The following MYO19 variants were observed in gnomAD, a reference collection of about 807,000 sequenced individuals.
MYO19 encodes the protein myosin XIX, also known as unconventional myosin-XIX.
In MYO19, 132 loss-of-function variants were observed where a neutral mutation model predicts 129.2. That is an observed-to-expected ratio of 1.02 (90% CI 0.89 to 1.18). The LOEUF (loss-of-function observed/expected upper bound fraction) is 1.18. Ranked by LOEUF, MYO19 falls within the 50% of genes most tolerant of loss-of-function variation. The probability of loss-of-function intolerance (pLI) is 0.00; values close to 1 mark genes in which losing one functional copy is unlikely to be tolerated. For synonymous variants in MYO19, 531 were observed against 477.2 expected (o/e 1.11, Z -1.47); for missense variants, 1,210 against 1,216.7 (o/e 0.99, Z 0.08).
intron 5 of MYO19, among the ~76,000 whole-genome samples, chr17:36,527,167 AAAATAAAT>A (rs1013454088): frequency 7.4e-5 from 11 of 148,058 alleles, no homozygotes; most frequent in African/African-American, 2.4e-4. Flanking sequence ...ACTCCATCTC[AAAATAAAT>A]AAATAAATAA....
chr17:36,501,438 A>G, intron 21 of MYO19: 1 of 542,850 alleles, frequency 1.8e-6, no homozygotes, highest in Non-Finnish European at 3.2e-6. Flanking sequence ...TGTTCCGTGG[A>G]GCCTTGGAAT....
At chr17:36,528,687 CTT>C (rs1201871862) in intron 3 of MYO19, among the ~76,000 whole-genome samples, 1 of 152,098 alleles carries the variant, frequency 6.6e-6, no homozygotes, top group Non-Finnish European at 1.5e-5. Flanking sequence ...AAGTTACCCT[CTT>C]TGAGTCACAG....
chr17:36,522,044 A>G (rs2411193), intron 6 of MYO19, among the ~76,000 whole-genome samples: 4,198 of 150,706 alleles, frequency 0.028, 203 homozygotes, highest in African/African-American at 0.095. Flanking sequence ...AAAAAAAAAA[A>G]AAAGAAAAGA....
chr17:36,528,099 T>C lies in MYO19; in HGVS notation c.116A>G (p.Asp39Gly), dbSNP rs1275259011. 1.9e-6 allele frequency: 3 copies of C among 1,613,790 alleles called. No individual in the cohort carries two copies. Among genetic ancestry groups the C allele is most frequent in the African/African-American group, 1.3e-5 (1 of 74,908 alleles). Residue 39 changes from aspartate (D) to glycine (G), a missense_variant, in exon 4 of 26, where the codon GAC (aspartate) becomes GGC (glycine). By Grantham distance (94) the Asp-to-Gly change is moderately conservative. Coordinates refer to ENST00000614623, the MANE Select transcript of MYO19 (RefSeq NM_001163735.2). ...TGTCACAGGATTCACCCTGGTGAGG[T>C]CATCCAGTTTGTACAGCAGGACCTC... Reference protein sequence around the residue: ...GGEVLLYKLDDLTRVNPVTLE... With the variant: ...GGEVLLYKLDGLTRVNPVTLE...
Position 36,506,546 on chromosome 17 carries a change from C to T in MYO19, c.1707G>A (p.Gly569=), listed in dbSNP as rs1246875309. ...LQQSQDPLLM[G]LFPTNPKEKT... ...TCTCTTTGGGGTTAGTAGGAAACAG[C>T]CCCATGAGCAGGGGGTCCTGGGATT... is the stretch of plus-strand genomic sequence containing the variant. Residue 569 remains glycine, a synonymous_variant, in exon 18 of 26, where the codon GGG becomes GGA. Transcript: ENST00000614623. 1.3e-6 allele frequency: 2 copies of T among 1,588,718 alleles called. No homozygotes were observed. The highest frequency in any genetic ancestry group is 8.5e-7 in the Non-Finnish European group (1 of 1,170,504).
intron 5 of MYO19, 91 bp downstream of exon 5, chr17:36,527,460 G>A: frequency 9.2e-6 from 13 of 1,406,452 alleles, no homozygotes; most frequent in Non-Finnish European, 1.2e-5. Context: ...CACATTGCTG[G>A]TGAATAGATG....
At chr17:36,505,039 C>A in intron 19 of MYO19, 1 of 686,824 alleles carries the variant, frequency 1.5e-6, no homozygotes, top group Non-Finnish European at 2.7e-6. Context: ...CAGTTTCAGT[C>A]TCTCATCAGG....
In MYO19 at chr17:36,525,238, C is replaced by G. The variant is rs762928603; in HGVS notation, c.404G>C (p.Gly135Ala). ...NQSIVVSGES[G>A]AGKTWTSRCL... ...AAGACGTCTTCCTACCTTTCCAGCA[C>G]CACTCTCTCCACTGACAACAATAGA... Residue 135 changes from glycine (G) to alanine (A), a missense_variant, in exon 6 of 26, where the codon GGT (glycine) becomes GCT (alanine). Physicochemically the swap from Gly to Ala is moderately conservative, Grantham distance 60. Coordinates refer to ENST00000614623, the MANE Select transcript of MYO19 (RefSeq NM_001163735.2). 3 of 1,613,190 alleles carry G rather than the reference C, an allele frequency of 1.9e-6. No individual in the cohort carries two copies. Among genetic ancestry groups the G allele is most frequent in the South Asian group, 1.1e-5 (1 of 91,022 alleles).
chr17:36,537,116 G>A (rs1053869803), upstream of MYO19: 2 of 1,591,152 alleles, frequency 1.3e-6, no homozygotes, highest in Non-Finnish European at 1.7e-6. Flanking sequence ...CTGAAAAGCA[G>A]ATGAAGGAAG....
intron 19 of MYO19, chr17:36,504,386 G>C (rs1433745813): frequency 8.9e-6 from 2 of 224,164 alleles, no homozygotes; most frequent in Non-Finnish European, 1.7e-5. Flanking sequence ...GGCATTAGAG[G>C]GTGGTTCACA....
At chr17:36,521,715 G>A (rs2073139335) in intron 6 of MYO19, among the ~76,000 whole-genome samples, 1 of 152,088 alleles carries the variant, frequency 6.6e-6, no homozygotes, top group Admixed American at 6.5e-5. Flanking sequence ...ATTATGGACT[G>A]GCTCTCTCAA....
Position 36,513,735 on chromosome 17 carries a change from A to G in MYO19, c.721-10T>C, listed in dbSNP as rs1030805709. The G allele has an allele frequency of 6.2e-7, 1 of 1,612,128 alleles. No individual in the cohort carries two copies. Among genetic ancestry groups the G allele is most frequent in the African/African-American group, 1.3e-5 (1 of 75,004 alleles). On this transcript the variant is annotated splice_polypyrimidine_tract_variant and intron_variant, in intron 9 of 25. Transcript: ENST00000614623. ...TGGCTCCTTTGCAAATCTGTGGAGA[A>G]GGGTAGGTGGGAGGCTGGGTAGGGG...
upstream of MYO19, among the ~76,000 whole-genome samples, chr17:36,535,879 C>T (rs1209514726): frequency 2.0e-5 from 3 of 151,546 alleles, no homozygotes; most frequent in Non-Finnish European, 2.9e-5. Flanking sequence ...TCCCAAAGCG[C>T]TAGGATTGCA....
At chr17:36,518,736 CG>C (rs981108492) in intron 6 of MYO19, among the ~76,000 whole-genome samples, 2 of 150,684 alleles carry the variant, frequency 1.3e-5, no homozygotes, top group African/African-American at 4.9e-5. Flanking sequence ...TAAGATCACA[CG>C]GAACAATTTA....
upstream of MYO19, chr17:36,537,973 G>GT: frequency 6.2e-7 from 1 of 1,614,008 alleles, no homozygotes; most frequent in Non-Finnish European, 8.5e-7. Context: ...GGCACTGATG[G>GT]TAGTGGCACA....
At chr17:36,503,039 G>A (rs980966624) in intron 21 of MYO19, 58 bp downstream of exon 21, 2 of 1,423,262 alleles carry the variant, frequency 1.4e-6, no homozygotes, top group African/African-American at 2.8e-5. Context: ...ACAGGGCACA[G>A]GGTAGATGCT....
intron 8 of MYO19, among the ~76,000 whole-genome samples, 195 bp downstream of exon 8, chr17:36,514,918 G>A (rs1412735843): frequency 1.3e-5 from 2 of 152,214 alleles, no homozygotes; most frequent in Non-Finnish European, 2.9e-5. Context: ...CTGCCCCAGG[G>A]TTCCCCAAGG....
upstream of MYO19, among the ~76,000 whole-genome samples, chr17:36,544,218 C>G (rs2074221278): frequency 6.6e-6 from 1 of 152,238 alleles, no homozygotes; most frequent in Non-Finnish European, 1.5e-5. Flanking sequence ...CGCACACACA[C>G]ACACCACTGT....
chr17:36,538,359 A>G (rs1408795591), upstream of MYO19: 1 of 1,614,072 alleles, frequency 6.2e-7, no homozygotes, highest in Non-Finnish European at 8.5e-7. Context: ...ACCTGTTACA[A>G]ATAAAAAGCA....
Sources: allele counts gnomAD v4.1 joint callset (sites outside exome capture counted in the v4.1 genomes callset), GRCh38; gene constraint gnomAD v4.1.1; transcripts MANE v1.5; gene names NCBI Gene and HGNC (gene_info 2026-07-23, HGNC 2026-07-21).